ATP1B1: variants seen among roughly 807,000 people sequenced by gnomAD.
ATP1B1 encodes ATPase Na+/K+ transporting subunit beta 1.
Under a neutral mutation model 39.6 loss-of-function variants are expected in ATP1B1, and 3 were observed. That is an observed-to-expected ratio of 0.08 (90% CI 0.03 to 0.20). ATP1B1 has a LOEUF of 0.20. Ranked by LOEUF, ATP1B1 falls within the 10% of genes least tolerant of loss-of-function variation. The pLI is 1.00. For synonymous variants in ATP1B1, 139 were observed against 135.0 expected (o/e 1.03, Z -0.20); for missense variants, 216 against 371.1 (o/e 0.58, Z 3.43).
chr1:169,127,431 G>C, intron 4 of ATP1B1, 23 bp downstream of exon 4: 1 of 1,589,072 alleles, frequency 6.3e-7, no homozygotes, highest in Non-Finnish European at 8.6e-7. Flanking sequence ...TTAAATGATA[G>C]AATTTAGATG....
In ATP1B1 at chr1:169,117,526, C is replaced by T. The variant is rs186793017; in HGVS notation, c.226+6028C>T. Among the ~76,000 whole-genome samples the T allele has an allele frequency of 2.7e-3, 406 of 152,026 alleles. 4 individuals carry two copies. Among genetic ancestry groups the T allele is most frequent in the African/African-American group, 9.5e-3 (394 of 41,436 alleles). On this transcript the variant is annotated intron_variant, in intron 2 of 5. Coordinates refer to ENST00000367815, the MANE Select transcript of ATP1B1 (RefSeq NM_001677.4). ...GTATGATGAATAAGCAGAACAGAGA[C>T]CTGATAAGTAGGAAGGACCAGGTAA...
In ATP1B1 at chr1:169,131,101, C is replaced by T. The variant is rs1308630335; in HGVS notation, c.649-191C>T. On this transcript the variant is annotated intron_variant, in intron 5 of 5. Transcript: ENST00000367815. This position sits in a 1 kb window ranked among gnomAD's most constrained non-coding sequence, Gnocchi z 4.4. Reference sequence around the variant, plus strand: ...TTATTTGGCATTTGACTCAGCTTCCCCATCCATTTGCACATTGAGAATAGT... The same window carrying T: ...TTATTTGGCATTTGACTCAGCTTCCTCATCCATTTGCACATTGAGAATAGT... Among the ~76,000 whole-genome samples the T allele has an allele frequency of 1.3e-5, 2 of 152,138 alleles. No individual in the cohort carries two copies. Among genetic ancestry groups the T allele is most frequent in the Non-Finnish European group, 2.9e-5 (2 of 68,016 alleles).
At chr1:169,123,309 C>G (rs1481667656) in intron 2 of ATP1B1, among the ~76,000 whole-genome samples, 1 of 151,594 alleles carries the variant, frequency 6.6e-6, no homozygotes, top group Non-Finnish European at 1.5e-5. Context: ...TTAGAGATTA[C>G]GATTTTGCAG....
At chr1:169,117,572 T>TG (rs1021941730) in intron 2 of ATP1B1, among the ~76,000 whole-genome samples, 25 of 150,226 alleles carry the variant, frequency 1.7e-4, no homozygotes, top group Non-Finnish European at 3.3e-4. Flanking sequence ...GGAGTGATGG[T>TG]GGGGGAAAAA....
intron 2 of ATP1B1, among the ~76,000 whole-genome samples, chr1:169,113,408 CT>C (rs1285740001): frequency 6.6e-6 from 1 of 151,646 alleles, no homozygotes; most frequent in Non-Finnish European, 1.5e-5. Context: ...CCAAATACGA[CT>C]ACAAAGTCAA....
At chr1:169,113,135 A>G (rs1200140) in intron 2 of ATP1B1, among the ~76,000 whole-genome samples, 128,992 of 151,730 alleles carry the variant, frequency 0.85, 55,348 homozygotes, top group East Asian at 0.99. Context: ...GCGCAATCTC[A>G]GCTCACTGCA....
At chr1:169,128,965 A>G (rs546077845) in intron 4 of ATP1B1, among the ~76,000 whole-genome samples, 3 of 152,078 alleles carry the variant, frequency 2.0e-5, no homozygotes, top group South Asian at 4.1e-4. Context: ...ATCTCCAACT[A>G]TTTTGGAGTT....
chr1:169,127,503 A>G, intron 4 of ATP1B1, 95 bp downstream of exon 4: 1 of 1,354,330 alleles, frequency 7.4e-7, no homozygotes, highest in African/African-American at 1.5e-5. Context: ...TTTAAAGTAT[A>G]CTCAGTGCTG....
At chr1:169,130,175 G>C in intron 5 of ATP1B1, 85 bp downstream of exon 5, 1 of 1,179,960 alleles carries the variant, frequency 8.5e-7, no homozygotes, top group Non-Finnish European at 1.2e-6. Context: ...TAAGTGACAG[G>C]TAGAATTTTA....
intron 1 of ATP1B1, among the ~76,000 whole-genome samples, chr1:169,107,258 A>G (rs1178346589): frequency 1.3e-5 from 2 of 152,048 alleles, no homozygotes; most frequent in Admixed American, 6.5e-5. Context: ...CTGCGAGACT[A>G]CATTTGTCTC....
At chr1:169,123,294 CTT>C (rs1658020930) in intron 2 of ATP1B1, among the ~76,000 whole-genome samples, 1 of 151,818 alleles carries the variant, frequency 6.6e-6, no homozygotes, top group Non-Finnish European at 1.5e-5. Context: ...TCTCAAATCT[CTT>C]TCTTAGAGAT....
In ATP1B1 at chr1:169,115,452, G is replaced by A. The variant is rs185454013; in HGVS notation, c.226+3954G>A. ...CAACCTCTGCCCCCTGGGTTCAAGC[G>A]ATTCTCCTGCCTCAGCCTCCCGAGT... On this transcript the variant is annotated intron_variant, in intron 2 of 5. Coordinates refer to ENST00000367815, the MANE Select transcript of ATP1B1 (RefSeq NM_001677.4). 9.9e-4 allele frequency among the ~76,000 whole-genome samples: 149 copies of A among 150,766 alleles called. No homozygotes were observed. The Middle Eastern group carries it at 0.01, about 10-fold the overall frequency.
At chr1:169,128,049 T>C (rs1212870847) in intron 4 of ATP1B1, among the ~76,000 whole-genome samples, 1 of 152,200 alleles carries the variant, frequency 6.6e-6, no homozygotes, top group Non-Finnish European at 1.5e-5. Context: ...CAAATTGCCA[T>C]TGCTCACCAT....
intron 1 of ATP1B1, among the ~76,000 whole-genome samples, chr1:169,108,619 GAAT>G (rs1224600164): frequency 6.6e-6 from 1 of 152,138 alleles, no homozygotes; most frequent in Non-Finnish European, 1.5e-5. Flanking sequence ...ATGCTTCTCA[GAAT>G]AATACTTGCT....
intron 1 of ATP1B1, 133 bp from the exon 2 acceptor site, chr1:169,111,237 C>T (rs968625370): frequency 8.2e-5 from 104 of 1,274,524 alleles, no homozygotes; most frequent in Non-Finnish European, 1.1e-4. Flanking sequence ...GAGGTGCACT[C>T]TTGACGTTGG....
At chr1:169,126,747 C>G (rs1302560186) in intron 3 of ATP1B1, among the ~76,000 whole-genome samples, 1 of 152,118 alleles carries the variant, frequency 6.6e-6, no homozygotes, top group East Asian at 1.9e-4. Flanking sequence ...AAGGAAAATA[C>G]CAGTTCCTTT....
chr1:169,125,013 A>G lies in ATP1B1; in HGVS notation c.356A>G (p.Asp119Gly). ...AAGTACAAAGATTCAGCCCAGAGGG[A>G]TGACATGATTTTTGAAGATTGTGGC... ...LEKYKDSAQR[D>G]DMIFEDCGDV... Residue 119 changes from aspartate to glycine, a missense_variant, in exon 3 of 6, where the codon GAT becomes GGT. Asp to Gly is a moderately conservative substitution (Grantham distance 94). Coordinates refer to ENST00000367815, the MANE Select transcript of ATP1B1 (RefSeq NM_001677.4). The G allele has an allele frequency of 1.2e-6, 2 of 1,612,718 alleles. No individual in the cohort carries two copies. Among genetic ancestry groups the G allele is most frequent in the Non-Finnish European group, 1.7e-6 (2 of 1,179,590 alleles).
chr1:169,115,219 G>T (rs1657817471), intron 2 of ATP1B1, among the ~76,000 whole-genome samples: 1 of 120,590 alleles, frequency 8.3e-6, no homozygotes, highest in Non-Finnish European at 1.9e-5. Flanking sequence ...GGGGGGTGGG[G>T]AATCATATGC....
rs115395178 is a variant in ATP1B1 at position 169,107,197 on chromosome 1, C to G, written c.97+271C>G. 5.4e-3 allele frequency among the ~76,000 whole-genome samples: 824 copies of G among 152,254 alleles called. 8 individuals are homozygous for G. The highest frequency in any genetic ancestry group is 0.019 in the African/African-American group (793 of 41,536). On this transcript the variant is annotated intron_variant, in intron 1 of 5. Coordinates refer to ENST00000367815, the MANE Select transcript of ATP1B1 (RefSeq NM_001677.4). ...CGATCTTGGCTTGGTAATTTGCAGT[C>G]TTTCCTACCGTGCATCGGTTGAGCC...
Sources: allele counts gnomAD v4.1 joint callset (sites outside exome capture counted in the v4.1 genomes callset), GRCh38; gene constraint gnomAD v4.1.1; non-coding constraint Gnocchi (gnomAD v3.1); transcripts MANE v1.5; gene names NCBI Gene and HGNC (gene_info 2026-07-23, HGNC 2026-07-21).